UFSP2: variants seen among roughly 807,000 people sequenced by gnomAD.
UFSP2 encodes the protein ufm1-specific protease 2.
UFSP2 carries 43 observed loss-of-function variants against 60.2 expected under a neutral mutation model. That is an observed-to-expected ratio of 0.71 (90% CI 0.56 to 0.92). UFSP2 has a LOEUF of 0.92. UFSP2 is among the 40% of genes least tolerant of loss of function. The probability of loss-of-function intolerance (pLI) is 0.00; values close to 1 mark genes in which losing one functional copy is unlikely to be tolerated. For missense variants in UFSP2, 520 were observed against 575.0 expected, an observed-to-expected ratio of 0.90 and a Z score of 0.98; for synonymous variants, 183 against 195.1, an observed-to-expected ratio of 0.94 and a Z score of 0.52.
chr4:185,403,977 A>C (rs1216599637), intron 10 of UFSP2, among the ~76,000 whole-genome samples: 5 of 143,186 alleles, frequency 3.5e-5, no homozygotes, highest in Admixed American at 6.9e-5. Context: ...AAAAAAAAAA[A>C]CAAAAAAAAA....
chr4:185,399,638 A>G lies in UFSP2; in HGVS notation c.*754T>C. On this transcript the variant is annotated 3_prime_UTR_variant, in exon 12 of 12. Coordinates refer to ENST00000264689, the MANE Select transcript of UFSP2 (RefSeq NM_018359.5). ...TCATGTGGATTTCCAGACTGTGCCA[A>G]GTTTCTTACAACAATTAAATGTATG... The G allele has an allele frequency of 6.2e-7, 1 of 1,614,202 alleles. No individual in the cohort carries two copies. Among genetic ancestry groups the G allele is most frequent in the Non-Finnish European group, 8.5e-7 (1 of 1,180,020 alleles).
At chr4:185,403,408 T>C (rs1309176652) in intron 11 of UFSP2, 86 bp downstream of exon 11, 28 of 1,530,646 alleles carry the variant, frequency 1.8e-5, no homozygotes, top group Non-Finnish European at 2.3e-5. Context: ...CCTCAGCTTA[T>C]TGTCTTTCTG....
chr4:185,413,708 ATAAT>A lies in UFSP2; in HGVS notation c.831+14_831+17del. The A allele has an allele frequency of 1.9e-6, 3 of 1,596,262 alleles. No homozygotes were observed. Among genetic ancestry groups the A allele is most frequent in the African/African-American group, 1.4e-5 (1 of 73,948 alleles). ...ATTACTGATCCAGTGACTCCCATAAATAATTAGTTAAACTCACCATACCAGTCTC... is the reference window on the plus strand; with the variant it reads ...ATTACTGATCCAGTGACTCCCATAAATAGTTAAACTCACCATACCAGTCTC... On this transcript the variant is annotated intron_variant, in intron 7 of 11. Transcript: ENST00000264689.
chr4:185,411,159 T>C (rs2095528696), intron 7 of UFSP2, among the ~76,000 whole-genome samples: 1 of 148,176 alleles, frequency 6.7e-6, no homozygotes, highest in South Asian at 2.1e-4. Context: ...AAAAATGATA[T>C]GAAGAATGAA....
intron 1 of UFSP2, among the ~76,000 whole-genome samples, chr4:185,424,575 ATGT>A (rs1224551548): frequency 6.6e-6 from 1 of 152,238 alleles, no homozygotes; most frequent in Non-Finnish European, 1.5e-5. Flanking sequence ...ATTTAGCTTC[ATGT>A]TGTCCATTTA....
At position 185,416,269 on chromosome 4, in the gene UFSP2, G is replaced by A. The variant is rs146847208; in HGVS notation, c.334-402C>T. On this transcript the variant is annotated intron_variant, in intron 4 of 11. Coordinates refer to ENST00000264689, the MANE Select transcript of UFSP2 (RefSeq NM_018359.5). ...CGTTAAAGCCACGCATAGGTTCACTGGGGTTCGTTACATGATTCTCTCCAC... is the reference window on the plus strand; with the variant it reads ...CGTTAAAGCCACGCATAGGTTCACTAGGGTTCGTTACATGATTCTCTCCAC... Among the ~76,000 whole-genome samples the A allele has an allele frequency of 4.6e-5, 7 of 152,320 alleles. No homozygotes were observed. The East Asian group carries it at 1.3e-3, about 29-fold the overall frequency.
rs142287865 is a variant in UFSP2, at chr4:185,406,636, C to T, written c.1122-780G>A. On this transcript the variant is annotated intron_variant, in intron 9 of 11. Coordinates refer to ENST00000264689, the MANE Select transcript of UFSP2 (RefSeq NM_018359.5). ...TGTTGCCCAGGCTGGAGTGGAGTGG[C>T]GCGATCTCAGCTCACTGCAACCTCC... Among the ~76,000 whole-genome samples, 68 of 152,230 alleles carry T rather than the reference C, an allele frequency of 4.5e-4. No individual in the cohort carries two copies. In the East Asian group the frequency reaches 0.011, roughly 25 times the overall value.
intron 7 of UFSP2, 110 bp from the exon 8 acceptor site, chr4:185,408,545 G>C (rs1261316880): frequency 1.7e-6 from 2 of 1,148,938 alleles, no homozygotes; most frequent in East Asian, 5.0e-5. Flanking sequence ...TGTTACTTTA[G>C]TTCCTTATAA....
chr4:185,405,485 T>TC (rs1320708353), intron 10 of UFSP2, among the ~76,000 whole-genome samples: 2 of 152,222 alleles, frequency 1.3e-5, no homozygotes, highest in African/African-American at 4.8e-5. Flanking sequence ...AGTCATGACT[T>TC]ACGAAGCTCA....
intron 9 of UFSP2, among the ~76,000 whole-genome samples, chr4:185,407,200 G>A (rs1227539511): frequency 5.3e-5 from 8 of 151,372 alleles, no homozygotes; most frequent in African/African-American, 1.5e-4. Context: ...ACAGGCATGC[G>A]CCACCATACC....
chr4:185,424,655 TTAAA>T lies in UFSP2; in HGVS notation c.3+1207_3+1210del, dbSNP rs1301659621. ...TAAATAGCTATTAATAAGAAATCAG[TTAAA>T]TAAAGAATACTACCAAACAAACTAG... On this transcript the variant is annotated intron_variant, in intron 1 of 11. Coordinates refer to ENST00000264689, the MANE Select transcript of UFSP2 (RefSeq NM_018359.5). 6.6e-5 allele frequency among the ~76,000 whole-genome samples: 10 copies of T among 152,172 alleles called. No individual in the cohort carries two copies. In the East Asian group the frequency reaches 9.6e-4, roughly 15 times the overall value.
At position 185,419,833 on chromosome 4, in the gene UFSP2, T is replaced by C. The variant is rs552075754; in HGVS notation, c.83-1063A>G. ...CATTCATAAATTGATGCACATTTGT[T>C]TCCACTTTTTGGCTATCATATATAT... On this transcript the variant is annotated intron_variant, in intron 2 of 11. Transcript: ENST00000264689. Among the ~76,000 whole-genome samples, 7 of 152,344 alleles carry C rather than the reference T, an allele frequency of 4.6e-5. No individual in the cohort carries two copies. In the East Asian group the frequency reaches 1.2e-3, roughly 25 times the overall value.
At position 185,408,401 on chromosome 4, in the gene UFSP2, T is replaced by A; in HGVS notation, c.866A>T (p.His289Leu). 1 of 1,614,134 alleles carries A rather than the reference T, an allele frequency of 6.2e-7. No homozygotes were observed. Among genetic ancestry groups the A allele is most frequent in the East Asian group, 2.2e-5 (1 of 44,880 alleles). The part of the protein sequence containing the change: ...YVVQGIYGYH[H>L]YMQDRIDDNG... ...GTCATCTATGCGATCCTGCATATAA[T>A]GATGATAGCCATATATGCCCTGGAC... Residue 289 changes from histidine to leucine, a missense_variant, in exon 8 of 12, where the codon CAT (histidine) becomes CTT (leucine). Coordinates refer to ENST00000264689, the MANE Select transcript of UFSP2 (RefSeq NM_018359.5).
chr4:185,409,960 T>C (rs886507713), intron 7 of UFSP2, among the ~76,000 whole-genome samples: 5 of 152,174 alleles, frequency 3.3e-5, no homozygotes, highest in African/African-American at 1.2e-4. Context: ...CCTGCTGACA[T>C]TGTGATGTCA....
chr4:185,405,475 A>T (rs1433896060), intron 10 of UFSP2, among the ~76,000 whole-genome samples: 3 of 152,248 alleles, frequency 2.0e-5, no homozygotes, highest in African/African-American at 7.2e-5. Flanking sequence ...GTTATGACAG[A>T]GTCATGACTT....
At chr4:185,420,577 A>G (rs917778776) in intron 2 of UFSP2, among the ~76,000 whole-genome samples, 2 of 152,208 alleles carry the variant, frequency 1.3e-5, no homozygotes, top group Non-Finnish European at 2.9e-5. Flanking sequence ...GAGATTACTC[A>G]TAACAAATCA....
At chr4:185,406,665 T>A (rs1349971414) in intron 9 of UFSP2, among the ~76,000 whole-genome samples, 1 of 152,168 alleles carries the variant, frequency 6.6e-6, no homozygotes, top group Non-Finnish European at 1.5e-5. Flanking sequence ...AACCTCCGCC[T>A]CTCAGGTTCA....
At chr4:185,415,447 T>C (rs756706163) in intron 5 of UFSP2, 100 bp from the exon 6 acceptor site, 13 of 1,043,570 alleles carry the variant, frequency 1.2e-5, no homozygotes, top group African/African-American at 1.7e-5. Flanking sequence ...AAAAACTTGA[T>C]TGGACCAGGT....
chr4:185,412,175 T>G (rs1332967077), intron 7 of UFSP2, among the ~76,000 whole-genome samples: 2 of 152,218 alleles, frequency 1.3e-5, no homozygotes, highest in Admixed American at 6.5e-5. Context: ...ATGATAAATA[T>G]GTAAAGTATA....
Sources: allele counts gnomAD v4.1 joint callset (sites outside exome capture counted in the v4.1 genomes callset), GRCh38; gene constraint gnomAD v4.1.1; transcripts MANE v1.5; gene names NCBI Gene and HGNC (gene_info 2026-07-23, HGNC 2026-07-21).